Variants in CFAP20DC observed in about 807,000 individuals in gnomAD.
CFAP20DC encodes protein CFAP20DC.
CFAP20DC carries 84 observed loss-of-function variants against 101.7 expected under a neutral mutation model. The observed-to-expected ratio is 0.83, with a 90% confidence interval of 0.69 to 0.99. CFAP20DC has a LOEUF of 0.99. CFAP20DC is among the 50% of genes least tolerant of loss of function. CFAP20DC has a pLI of 0.00. For missense variants in CFAP20DC, 1,007 were observed against 970.3 expected, an observed-to-expected ratio of 1.04 and a Z score of -0.50; for synonymous variants, 359 against 351.2, an observed-to-expected ratio of 1.02 and a Z score of -0.25.
Position 58,937,744 on chromosome 3 carries a change from G to A in CFAP20DC, c.297C>T (p.Asn99=). ...STELLITDLG[N]IKRRLYLSTV... ...TTGATAAATATAATCTTCTTTTGAT[G>A]TTCCCTAAATCAGTAATTCTGAAAA... Residue 99 remains asparagine (N), a synonymous_variant, in exon 5 of 17, where the codon AAC becomes AAT. Coordinates refer to ENST00000482387, the MANE Select transcript of CFAP20DC (RefSeq NM_001394063.1). 1 of 1,597,116 alleles carries A rather than the reference G, an allele frequency of 6.3e-7. No individual in the cohort carries two copies. Among genetic ancestry groups the A allele is most frequent in the Non-Finnish European group, 8.6e-7 (1 of 1,164,942 alleles).
chr3:58,924,098 A>G (rs1003874071), intron 5 of CFAP20DC, among the ~76,000 whole-genome samples: 3 of 152,132 alleles, frequency 2.0e-5, no homozygotes, highest in African/African-American at 7.2e-5. Context: ...TTAAAATTAT[A>G]GATTAAGGGG....
In CFAP20DC at chr3:58,949,075, G is replaced by A. The variant is rs543809264; in HGVS notation, c.279-11313C>T. On this transcript the variant is annotated intron_variant, in intron 4 of 16. Transcript: ENST00000482387. ...CTTCTAGATTTTCTAGTTTATTTGC[G>A]TAGAGGTGTTTATAGTATTCTCTGA... Among the ~76,000 whole-genome samples the A allele has an allele frequency of 4.5e-3, 688 of 152,070 alleles. 2 individuals are homozygous for A. Among genetic ancestry groups the A allele is most frequent in the African/African-American group, 0.015 (640 of 41,512 alleles).
Position 58,849,245 on chromosome 3 carries a change from C to T in CFAP20DC, c.1758G>A (p.Ser586=), listed in dbSNP as rs1188587003. The T allele has an allele frequency of 3.9e-6, 6 of 1,536,062 alleles. No homozygotes were observed. Among genetic ancestry groups the T allele is most frequent in the East Asian group, 2.4e-5 (1 of 40,920 alleles). The change falls in exon 13 of 17, where the codon TCG becomes TCA. Residue 586 remains serine, a synonymous_variant. Coordinates refer to ENST00000482387, the MANE Select transcript of CFAP20DC (RefSeq NM_001394063.1). ...EAGATESQDS[S]MEQIDRNNFE... ...AGTTATTTCTATCTATTTGCTCCATCGAGGAATCCTGGCTTTCTGTTGCTC... is the reference window on the plus strand; with the variant it reads ...AGTTATTTCTATCTATTTGCTCCATTGAGGAATCCTGGCTTTCTGTTGCTC...
chr3:58,899,211 G>A lies in CFAP20DC; in HGVS notation c.550+14497C>T, dbSNP rs559094081. Reference sequence around the variant, plus strand: ...AGAAAAACAGTCTGGCTGCTTTCTAGTAGTGCAGCTGTGCTGCGTTGTGGG... The same window carrying A: ...AGAAAAACAGTCTGGCTGCTTTCTAATAGTGCAGCTGTGCTGCGTTGTGGG... On this transcript the variant is annotated intron_variant, in intron 6 of 16. Transcript: ENST00000482387. The surrounding 1 kb of genome is among the most constrained non-coding windows in gnomAD (Gnocchi z 5.0). 4.5e-4 allele frequency among the ~76,000 whole-genome samples: 68 copies of A among 152,348 alleles called. No homozygotes were observed. The highest frequency in any genetic ancestry group is 1.5e-3 in the African/African-American group (64 of 41,588).
At chr3:59,034,576 CA>C (rs201722553) in intron 4 of CFAP20DC, among the ~76,000 whole-genome samples, 2,904 of 152,080 alleles carry the variant, frequency 0.019, 81 homozygotes, top group African/African-American at 0.065. Context: ...TTTAAACTAT[CA>C]AAGATCAAAA....
chr3:58,933,464 T>C (rs1403451815), intron 5 of CFAP20DC, among the ~76,000 whole-genome samples: 1 of 152,194 alleles, frequency 6.6e-6, no homozygotes, highest in Non-Finnish European at 1.5e-5. Context: ...ATCAACAGAA[T>C]ACACATTCTT....
chr3:58,948,329 T>C (rs2107976908), intron 4 of CFAP20DC, among the ~76,000 whole-genome samples: 1 of 152,370 alleles, frequency 6.6e-6, no homozygotes, highest in Admixed American at 6.5e-5. Flanking sequence ...TGAGTTGAAA[T>C]GCCAGCTCCT....
At position 58,761,832 on chromosome 3, in the gene CFAP20DC, T is replaced by C. The variant is rs545959169; in HGVS notation, c.2238-7969A>G. The stretch of plus-strand genomic sequence containing the variant: ...TCAGGAGCAGGTTGTTCAGTTTCCA[T>C]GTAGTTGAGCGGTTTTGAGTGAGTT... On this transcript the variant is annotated intron_variant, in intron 15 of 16. Transcript: ENST00000482387. Among the ~76,000 whole-genome samples the C allele has an allele frequency of 8.5e-5, 13 of 152,338 alleles. No individual in the cohort carries two copies. In the South Asian group the frequency reaches 1.5e-3, roughly 17 times the overall value.
intron 15 of CFAP20DC, among the ~76,000 whole-genome samples, chr3:58,793,547 A>C (rs554804075): frequency 1.2e-4 from 18 of 152,144 alleles, no homozygotes; most frequent in Non-Finnish European, 1.8e-4. Context: ...AAGAGGGCAG[A>C]TGGCAAAAAA....
intron 6 of CFAP20DC, among the ~76,000 whole-genome samples, chr3:58,890,081 C>T (rs1445113710): frequency 2.7e-5 from 4 of 150,324 alleles, no homozygotes; most frequent in East Asian, 4.0e-4. Context: ...ACCTCCCAGA[C>T]GGGGTGGTGG....
chr3:58,830,461 G>C (rs1214581929), intron 14 of CFAP20DC, among the ~76,000 whole-genome samples: 4 of 152,148 alleles, frequency 2.6e-5, no homozygotes, highest in African/African-American at 9.7e-5. Flanking sequence ...GTAGCCGTAA[G>C]GAGTAAACTA....
chr3:58,775,311 T>A (rs949777019), intron 15 of CFAP20DC, among the ~76,000 whole-genome samples: 1 of 152,186 alleles, frequency 6.6e-6, no homozygotes, highest in African/African-American at 2.4e-5. Flanking sequence ...AGAATATGCA[T>A]CTATTTCAGT....
intron 15 of CFAP20DC, among the ~76,000 whole-genome samples, chr3:58,755,978 A>T (rs767047106): frequency 3.9e-5 from 6 of 152,224 alleles, no homozygotes; most frequent in Non-Finnish European, 4.4e-5. Flanking sequence ...AAAATTATAT[A>T]AAATTCGAAA....
Position 58,729,897 on chromosome 3 carries a change from A to G in CFAP20DC, c.198-12269T>C, listed in dbSNP as rs925651418. Among the ~76,000 whole-genome samples the G allele has an allele frequency of 6.6e-6, 1 of 152,048 alleles. No individual in the cohort carries two copies. Among genetic ancestry groups the G allele is most frequent in the Non-Finnish European group, 1.5e-5 (1 of 68,008 alleles). ...GCAGGGCATGATGGTGCGCACCTGT[A>G]ATCCCAGCTACTTGGGAGGCTGAGG... On this transcript the variant is annotated intron_variant, in intron 3 of 3. Coordinates refer to the CFAP20DC transcript ENST00000486145. The surrounding 1 kb of genome is among the most constrained non-coding windows in gnomAD (Gnocchi z 4.4).
In CFAP20DC at chr3:58,831,769, T is replaced by G. The variant is rs2076409770; in HGVS notation, c.2092A>C (p.Ser698Arg). Residue 698 changes from serine (S) to arginine (R), a missense_variant, in exon 14 of 17, where the codon AGT becomes CGT. By Grantham distance (110) the Ser-to-Arg change is moderately radical (BLOSUM62 -1). Coordinates refer to ENST00000482387, the MANE Select transcript of CFAP20DC (RefSeq NM_001394063.1). ...TTACAGTTGTCCACCTGGGAGGCAC[T>G]CAGGCCATGGGAGGTCCCAGCATCC... is the stretch of plus-strand genomic sequence containing the variant. ...LEDAGTSHGL[S>R]ASQVDNCNVS... is the part of the protein sequence containing the mutation. 6.2e-7 allele frequency: 1 copy of G among 1,613,958 alleles called. No homozygotes were observed. The highest frequency in any genetic ancestry group is 1.7e-5 in the Admixed American group (1 of 59,976).
At chr3:58,928,271 G>C (rs2086203147) in intron 5 of CFAP20DC, among the ~76,000 whole-genome samples, 1 of 152,170 alleles carries the variant, frequency 6.6e-6, no homozygotes, top group South Asian at 2.1e-4. Flanking sequence ...TGAGGGTTAT[G>C]AAATTGTGAA....
At chr3:59,023,811 C>T (rs191825895) in intron 4 of CFAP20DC, among the ~76,000 whole-genome samples, 3 of 152,208 alleles carry the variant, frequency 2.0e-5, no homozygotes, top group African/African-American at 7.2e-5. Flanking sequence ...AAAACTGCAA[C>T]ATCAGCTTTA....
intron 3 of CFAP20DC, among the ~76,000 whole-genome samples, chr3:58,730,018 C>CAAA (rs769033730): frequency 3.2e-4 from 17 of 53,494 alleles, no homozygotes; most frequent in African/African-American, 6.7e-4. Context: ...AACCTGTCTC[C>CAAA]AAAAAAAAAA....
At chr3:58,833,828 C>T (rs2076558045) in intron 13 of CFAP20DC, among the ~76,000 whole-genome samples, 1 of 152,144 alleles carries the variant, frequency 6.6e-6, no homozygotes, top group Admixed American at 6.6e-5. Context: ...AAGTGTCTAT[C>T]AACTGATGGA....
Sources: gnomAD v4.1 joint callset for allele counts (sites outside exome capture counted in the v4.1 genomes callset) on GRCh38, gnomAD v4.1.1 for gene constraint, Gnocchi (gnomAD v3.1) non-coding constraint, MANE v1.5 for transcripts, NCBI Gene and HGNC (gene_info 2026-07-23, HGNC 2026-07-21) for gene names.